The following CSPP1 variants were observed in gnomAD, a reference collection of about 807,000 sequenced individuals.
CSPP1 encodes the protein centrosome and spindle pole-associated protein 1.
In CSPP1, 126 loss-of-function variants were observed where a neutral mutation model predicts 164.4. That is an observed-to-expected ratio of 0.77 (90% confidence interval 0.66 to 0.89). The LOEUF (loss-of-function observed/expected upper bound fraction) is 0.89. Among genes scored for constraint, CSPP1 ranks in the 40% least tolerant of loss-of-function variants. The pLI, the probability that CSPP1 is intolerant of heterozygous loss-of-function variation, is 0.00. For missense variants in CSPP1, 1,395 were observed against 1,449.8 expected, an observed-to-expected ratio of 0.96 and a Z score of 0.61; for synonymous variants, 472 against 476.7, an observed-to-expected ratio of 0.99 and a Z score of 0.13.
chr8:67,130,716 A>G (rs1003611689), intron 15 of CSPP1, among the ~76,000 whole-genome samples: 1 of 152,206 alleles, frequency 6.6e-6, no homozygotes, highest in African/African-American at 2.4e-5. Context: ...GGCTGGGCGC[A>G]GTGGCTCATG....
At chr8:67,100,689 C>G (rs1311633805) in intron 7 of CSPP1, among the ~76,000 whole-genome samples, 1 of 151,186 alleles carries the variant, frequency 6.6e-6, no homozygotes, top group African/African-American at 2.4e-5. Context: ...AAACAGTCCT[C>G]CCACTTTAGC....
intron 1 of CSPP1, chr8:67,065,607 T>C: frequency 1.7e-6 from 1 of 592,790 alleles, no homozygotes; most frequent in Non-Finnish European, 2.1e-6. Context: ...AAATGTCTGC[T>C]GAAATGCTCC....
chr8:67,081,870 G>C (rs1248198148), intron 3 of CSPP1, among the ~76,000 whole-genome samples: 1 of 152,010 alleles, frequency 6.6e-6, no homozygotes, highest in East Asian at 1.9e-4. Flanking sequence ...TCAACCTCTC[G>C]ACTAGCTAGG....
At chr8:67,094,271 CTTTTTTTT>C (rs762941914) in intron 6 of CSPP1, among the ~76,000 whole-genome samples, 2 of 121,500 alleles carry the variant, frequency 1.6e-5, no homozygotes, top group Admixed American at 1.7e-4. Context: ...TTTATCCTCT[CTTTTTTTT>C]TTTTTTTTTT....
At chr8:67,071,866 C>T (rs1317832871) in intron 1 of CSPP1, among the ~76,000 whole-genome samples, 6 of 152,000 alleles carry the variant, frequency 3.9e-5, no homozygotes, top group African/African-American at 1.4e-4. Context: ...AAAGTTGAGC[C>T]TTGACACTTA....
chr8:67,091,832 T>A lies in CSPP1; in HGVS notation c.333T>A (p.Asp111Glu). Residue 111 changes from aspartate to glutamate, a missense_variant, in exon 5 of 31, where the codon GAT (aspartate) becomes GAA (glutamate). Physicochemically the swap from Asp to Glu is conservative, Grantham distance 45. Coordinates refer to ENST00000678616, the MANE Select transcript of CSPP1 (RefSeq NM_001382391.1). ...ATTTTCTATCTACGAGTGAAACAGATCCATCTACTTTGGGAGTTTCTCTTC... is the reference window on the plus strand; with the variant it reads ...ATTTTCTATCTACGAGTGAAACAGAACCATCTACTTTGGGAGTTTCTCTTC... ...QKNFLSTSET[D>E]PSTLGVSLPI... 1 of 1,348,480 alleles carries A rather than the reference T, an allele frequency of 7.4e-7. No homozygotes were observed. The highest frequency in any genetic ancestry group is 1.5e-5 in the African/African-American group (1 of 67,134). 83.5% of individuals were successfully genotyped at this position (1,348,480 alleles called of 1,614,324 possible).
intron 15 of CSPP1, among the ~76,000 whole-genome samples, chr8:67,122,832 A>G (rs148449671): frequency 8.0e-4 from 120 of 150,296 alleles, no homozygotes; most frequent in African/African-American, 2.6e-3. Context: ...TTAATCTCCA[A>G]CTGTTACTTT....
intron 3 of CSPP1, among the ~76,000 whole-genome samples, chr8:67,084,818 A>G (rs2129543298): frequency 6.6e-6 from 1 of 152,172 alleles, no homozygotes; most frequent in South Asian, 2.1e-4. Context: ...TTATGTGTAT[A>G]GTAGGACTAA....
chr8:67,192,638 TTCAG>T (rs1332071060), intron 29 of CSPP1, among the ~76,000 whole-genome samples: 2 of 152,152 alleles, frequency 1.3e-5, no homozygotes, highest in Non-Finnish European at 2.9e-5. Context: ...CTTGTTTTCT[TTCAG>T]TTTGTTCTTA....
chr8:67,125,848 T>G (rs148082150), intron 15 of CSPP1, among the ~76,000 whole-genome samples: 85 of 152,386 alleles, frequency 5.6e-4, no homozygotes, highest in African/African-American at 1.9e-3. Flanking sequence ...AATTCTTTTT[T>G]TGAGATGGAG....
At chr8:67,090,763 T>TATCCCTA (rs1811453249) in intron 4 of CSPP1, among the ~76,000 whole-genome samples, 1 of 152,370 alleles carries the variant, frequency 6.6e-6, no homozygotes, top group East Asian at 1.9e-4. Flanking sequence ...ATCCCTACCA[T>TATCCCTA]CTGAAAATAG....
At chr8:67,085,230 T>A (rs1161441743) in intron 3 of CSPP1, among the ~76,000 whole-genome samples, 1 of 152,116 alleles carries the variant, frequency 6.6e-6, no homozygotes, top group East Asian at 1.9e-4. Context: ...ATGCTTAAAA[T>A]GATTAAAATG....
At position 67,162,425 on chromosome 8, in the gene CSPP1, G is replaced by A. The variant is rs139869035; in HGVS notation, c.2643+510G>A. ...TCAGAACATGTGTGGCATGCTGTACGGAGTGCTAAGAGCTTTGATTTTGTT... is the reference window on the plus strand; with the variant it reads ...TCAGAACATGTGTGGCATGCTGTACAGAGTGCTAAGAGCTTTGATTTTGTT... On this transcript the variant is annotated intron_variant, in intron 22 of 30. Coordinates refer to ENST00000678616, the MANE Select transcript of CSPP1 (RefSeq NM_001382391.1). Among the ~76,000 whole-genome samples the A allele has an allele frequency of 2.6e-5, 4 of 152,282 alleles. No homozygotes were observed. The East Asian group carries it at 7.7e-4, about 29-fold the overall frequency.
In CSPP1 at chr8:67,195,723, T is replaced by C. The variant is rs1837808723; in HGVS notation, c.*130T>C. ...TTTCCATCATCTGTATATAAAATTA[T>C]TTTTATCATGATGTATATTATGTAC... is the stretch of plus-strand genomic sequence containing the variant. On this transcript the variant is annotated 3_prime_UTR_variant, in exon 31 of 31. Coordinates refer to ENST00000678616, the MANE Select transcript of CSPP1 (RefSeq NM_001382391.1). 2 of 668,782 alleles carry C rather than the reference T, an allele frequency of 3.0e-6. No individual in the cohort carries two copies. The highest frequency in any genetic ancestry group is 5.2e-6 in the Non-Finnish European group (2 of 385,822). 41.4% of individuals were successfully genotyped at this position (668,782 alleles called of 1,614,324 possible). A position where few individuals can be genotyped will look rare whatever the true frequency, so the allele number is the denominator to read the frequency against.
chr8:67,117,968 CT>C (rs1374744292), intron 13 of CSPP1, among the ~76,000 whole-genome samples: 1 of 152,082 alleles, frequency 6.6e-6, no homozygotes. Context: ...CCATGTTTGT[CT>C]TTATTTGATA....
rs930891879 is a variant in CSPP1, at chr8:67,116,125, G to T, written c.1496+3G>T. The T allele has an allele frequency of 1.2e-6, 2 of 1,608,096 alleles. No homozygotes were observed. Among genetic ancestry groups the T allele is most frequent in the Non-Finnish European group, 1.7e-6 (2 of 1,174,572 alleles). On this transcript the variant is annotated splice_donor_region_variant and intron_variant, in intron 13 of 30. Transcript: ENST00000678616. The stretch of plus-strand genomic sequence containing the variant: ...CTTGGTGAAATGGTGTCTCCCAGGT[G>T]CTTGTTTAAATGTTTTGTGTTTGGG...
chr8:67,074,816 T>C, intron 2 of CSPP1: 1 of 304,506 alleles, frequency 3.3e-6, no homozygotes, highest in Non-Finnish European at 6.3e-6. Context: ...AATCTCGCTC[T>C]GTTGGCCAGG....
chr8:67,181,338 ATTTTTT>A (rs58029238), intron 28 of CSPP1, among the ~76,000 whole-genome samples: 1 of 112,658 alleles, frequency 8.9e-6, no homozygotes. Context: ...GTACCTGGCC[ATTTTTT>A]TTTTTTTTTT....
At chr8:67,072,088 T>TTGAGACCATCC (rs1340500613) in intron 1 of CSPP1, among the ~76,000 whole-genome samples, 14 of 152,090 alleles carry the variant, frequency 9.2e-5, no homozygotes, top group African/African-American at 3.1e-4. Flanking sequence ...TGAGACCATC[T>TTGAGACCATCC]TGAGACCATC....
Sources: allele counts gnomAD v4.1 joint callset (sites outside exome capture counted in the v4.1 genomes callset), GRCh38; gene constraint gnomAD v4.1.1; transcripts MANE v1.5; gene names NCBI Gene and HGNC (gene_info 2026-07-23, HGNC 2026-07-21).